The following STOX2 variants were observed in gnomAD, a reference collection of about 807,000 sequenced individuals.
STOX2 encodes storkhead-box protein 2.
STOX2 carries 28 observed loss-of-function variants against 60.9 expected under a neutral mutation model. The ratio of observed to expected loss-of-function variants is 0.46; its 90% confidence interval spans 0.34 to 0.63. STOX2 has a LOEUF of 0.63. STOX2 is among the 30% of genes least tolerant of loss of function. The pLI is 0.01. For missense variants in STOX2, 1,024 were observed against 1,187.7 expected, an observed-to-expected ratio of 0.86 and a Z score of 2.03; for synonymous variants, 472 against 463.9, an observed-to-expected ratio of 1.02 and a Z score of -0.22.
At chr4:183,849,593 G>A (rs1017806454) in intron 1 of STOX2, among the ~76,000 whole-genome samples, 22 of 152,210 alleles carry the variant, frequency 1.4e-4, no homozygotes, top group African/African-American at 5.1e-4. Flanking sequence ...GACGTTAAAC[G>A]TCTGAGCCTA....
At chr4:183,848,357 C>G (rs1193516168) in intron 1 of STOX2, among the ~76,000 whole-genome samples, 1 of 152,152 alleles carries the variant, frequency 6.6e-6, no homozygotes, top group Admixed American at 6.6e-5. Context: ...ATTCAAGGCA[C>G]ATAATATACA....
intron 1 of STOX2, among the ~76,000 whole-genome samples, chr4:183,828,494 T>C (rs748533000): frequency 6.6e-6 from 1 of 152,172 alleles, no homozygotes; most frequent in African/African-American, 2.4e-5. Context: ...GTTGTTATGT[T>C]GGCTTTTCCC....
At chr4:183,876,450 G>T (rs1408424416) in intron 1 of STOX2, among the ~76,000 whole-genome samples, 1 of 152,234 alleles carries the variant, frequency 6.6e-6, no homozygotes, top group East Asian at 1.9e-4. Context: ...GTGGATGACG[G>T]ATAGGCTTCT....
intron 1 of STOX2, among the ~76,000 whole-genome samples, chr4:183,928,300 C>T (rs1320361148): frequency 6.6e-6 from 1 of 152,050 alleles, no homozygotes; most frequent in Non-Finnish European, 1.5e-5. Flanking sequence ...GCTTATAGCC[C>T]CCATGGTCTC....
At chr4:183,802,083 T>C (rs575461618) in intron 1 of STOX2, among the ~76,000 whole-genome samples, 1 of 152,302 alleles carries the variant, frequency 6.6e-6, no homozygotes, top group East Asian at 1.9e-4. Flanking sequence ...CCTTAGCCTT[T>C]GTGTGGAGCC....
intron 1 of STOX2, among the ~76,000 whole-genome samples, chr4:183,802,439 A>G (rs926616185): frequency 2.4e-4 from 36 of 152,114 alleles, no homozygotes; most frequent in African/African-American, 8.2e-4. Context: ...CAGTGGCACT[A>G]TCATGGCTCA....
intron 1 of STOX2, among the ~76,000 whole-genome samples, chr4:183,847,667 A>G (rs187292054): frequency 6.6e-6 from 1 of 152,200 alleles, no homozygotes; most frequent in African/African-American, 2.4e-5. Context: ...GGGCCAGGGT[A>G]GGTTAAAATG....
At chr4:184,008,865 G>A (rs1733999385) in intron 2 of STOX2, among the ~76,000 whole-genome samples, 1 of 152,066 alleles carries the variant, frequency 6.6e-6, no homozygotes. Context: ...TGTCTTTCCT[G>A]TTTCGTTCAG....
chr4:183,818,636 C>T (rs1020206872), intron 1 of STOX2, among the ~76,000 whole-genome samples: 39 of 152,140 alleles, frequency 2.6e-4, no homozygotes, highest in African/African-American at 8.9e-4. Flanking sequence ...GGGTGGCGGC[C>T]GGGCAGAGGG....
chr4:183,955,429 C>T (rs1036636936), intron 1 of STOX2, among the ~76,000 whole-genome samples: 6 of 152,154 alleles, frequency 3.9e-5, no homozygotes, highest in African/African-American at 1.4e-4. Flanking sequence ...TGCCAGATTC[C>T]CACCAGAATT....
chr4:184,007,415 C>T (rs547912485), intron 2 of STOX2, among the ~76,000 whole-genome samples: 39 of 152,244 alleles, frequency 2.6e-4, no homozygotes, highest in African/African-American at 6.3e-4. Flanking sequence ...CCGTGGGTCC[C>T]GACCCAAAGT....
chr4:183,996,070 A>C (rs1032734203), intron 1 of STOX2, among the ~76,000 whole-genome samples: 5 of 152,238 alleles, frequency 3.3e-5, no homozygotes, highest in African/African-American at 1.2e-4. Context: ...TTTACTTACA[A>C]TTGTAATATT....
intron 1 of STOX2, among the ~76,000 whole-genome samples, chr4:183,824,525 C>T (rs1231532393): frequency 6.6e-6 from 1 of 151,858 alleles, no homozygotes; most frequent in Non-Finnish European, 1.5e-5. Context: ...TTGTGTGATT[C>T]GTGTGCCCTA....
chr4:183,967,908 C>G (rs537437173), intron 1 of STOX2, among the ~76,000 whole-genome samples: 115 of 152,260 alleles, frequency 7.6e-4, no homozygotes, highest in Middle Eastern at 6.8e-3. Context: ...ATGAGGAAGA[C>G]AAAACTTAAG....
At chr4:183,811,181 G>A (rs1057128520) in intron 1 of STOX2, among the ~76,000 whole-genome samples, 4 of 152,186 alleles carry the variant, frequency 2.6e-5, no homozygotes, top group Admixed American at 6.5e-5. Flanking sequence ...AGGACGGGGA[G>A]GGGTGATAGA....
chr4:183,827,397 C>T (rs773484881), intron 1 of STOX2, among the ~76,000 whole-genome samples: 34 of 151,986 alleles, frequency 2.2e-4, no homozygotes, highest in Non-Finnish European at 1.2e-4. Flanking sequence ...GAGGTTGAGG[C>T]GTGAGGATTG....
intron 1 of STOX2, among the ~76,000 whole-genome samples, chr4:183,892,759 C>T (rs1174068066): frequency 6.6e-6 from 1 of 151,534 alleles, no homozygotes; most frequent in Non-Finnish European, 1.5e-5. Flanking sequence ...ACCTCTCCTC[C>T]GAGGCAGTTT....
At chr4:183,889,120 G>A (rs1741148778) in intron 1 of STOX2, among the ~76,000 whole-genome samples, 1 of 151,876 alleles carries the variant, frequency 6.6e-6, no homozygotes, top group Admixed American at 6.6e-5. Context: ...CACTGATCGG[G>A]GTTGAACTGC....
At chr4:183,826,124 G>A (rs752311412) in intron 1 of STOX2, among the ~76,000 whole-genome samples, 15 of 152,112 alleles carry the variant, frequency 9.9e-5, no homozygotes, top group Non-Finnish European at 4.4e-5. Flanking sequence ...AGTGGGGCTG[G>A]GGACCTGCAT....
Sources: allele counts gnomAD v4.1 joint callset (sites outside exome capture counted in the v4.1 genomes callset), GRCh38; gene constraint gnomAD v4.1.1; transcripts MANE v1.5; gene names NCBI Gene and HGNC (gene_info 2026-07-23, HGNC 2026-07-21).